KIAA2012: variants seen among roughly 807,000 people sequenced by gnomAD.
The protein encoded by KIAA2012 is uncharacterized protein KIAA2012.
In KIAA2012, 125 loss-of-function variants were observed where a neutral mutation model predicts 150.6. That is an observed-to-expected ratio of 0.83 (90% CI 0.72 to 0.96). The LOEUF (loss-of-function observed/expected upper bound fraction) is 0.96, where lower values mean the gene tolerates loss of function less well. Ranked by LOEUF, KIAA2012 falls within the 40% of genes least tolerant of loss-of-function variation. KIAA2012 has a pLI of 0.00. For missense variants in KIAA2012, 1,219 were observed against 1,354.9 expected (o/e 0.90, Z 1.57); for synonymous variants, 462 against 504.7 (o/e 0.92, Z 1.13).
chr2:202,124,556 G>A (rs1690734678), intron 11 of KIAA2012, among the ~76,000 whole-genome samples: 1 of 152,144 alleles, frequency 6.6e-6, no homozygotes, highest in African/African-American at 2.4e-5. Context: ...CACACACTGA[G>A]ACACAGCTGC....
intron 12 of KIAA2012, among the ~76,000 whole-genome samples, chr2:202,135,291 C>CTGTA (rs1207943047): frequency 3.3e-5 from 5 of 152,238 alleles, no homozygotes; most frequent in African/African-American, 1.2e-4. Flanking sequence ...AGCCTATAGT[C>CTGTA]TGTATAACCT....
At position 202,073,571 on chromosome 2, in the gene KIAA2012, T is replaced by A; in HGVS notation, c.-57T>A. On this transcript the variant is annotated 5_prime_UTR_variant, in exon 1 of 24. Transcript: ENST00000498697. ...CTGGAAATCTTGAGGTGTGACCAGA[T>A]TTCAGCCTTCAAAACCAAGATGGAC... 6.7e-7 allele frequency: 1 copy of A among 1,483,814 alleles called. No individual in the cohort carries two copies. The highest frequency in any genetic ancestry group is 9.2e-7 in the Non-Finnish European group (1 of 1,089,458). 91.9% of individuals were successfully genotyped at this position (1,483,814 alleles called of 1,614,324 possible).
intron 15 of KIAA2012, among the ~76,000 whole-genome samples, chr2:202,183,149 G>T (rs1474266): frequency 0.1 from 15,183 of 152,130 alleles, 993 homozygotes; most frequent in Non-Finnish European, 0.13. Context: ...GCCAGGCATG[G>T]TGCTTCATGC....
At chr2:202,177,936 T>G (rs1188704118) in intron 15 of KIAA2012, among the ~76,000 whole-genome samples, 1 of 152,202 alleles carries the variant, frequency 6.6e-6, no homozygotes, top group African/African-American at 2.4e-5. Flanking sequence ...CAGTGGCTCA[T>G]GCCTGTAATC....
chr2:202,083,281 A>C (rs1398311773), intron 2 of KIAA2012, among the ~76,000 whole-genome samples: 3 of 152,224 alleles, frequency 2.0e-5, no homozygotes, highest in Admixed American at 2.0e-4. Flanking sequence ...GCTGGCTGAG[A>C]GCAGCAGTGT....
chr2:202,173,262 G>C (rs1691929269), intron 15 of KIAA2012, among the ~76,000 whole-genome samples: 1 of 152,102 alleles, frequency 6.6e-6, no homozygotes, highest in African/African-American at 2.4e-5. Context: ...CTAGAGATAA[G>C]GACAACATAA....
At chr2:202,149,078 AGGATTTAGTTCCCCTACCCTAGCAG>A (rs1429023506) in intron 13 of KIAA2012, among the ~76,000 whole-genome samples, 1 of 152,128 alleles carries the variant, frequency 6.6e-6, no homozygotes, top group Non-Finnish European at 1.5e-5. Context: ...GGCCCCTTCC[AGGATTTAGTTCCCCTACCCTAGCAG>A]GGGGCGGGAG....
intron 15 of KIAA2012, among the ~76,000 whole-genome samples, chr2:202,183,473 TA>T (rs1421140236): frequency 4.2e-5 from 5 of 118,896 alleles, no homozygotes; most frequent in African/African-American, 1.2e-4. Flanking sequence ...GGGGGTTTTT[TA>T]AATTTTTTTT....
chr2:202,073,953 G>A (rs891803291), intron 1 of KIAA2012, among the ~76,000 whole-genome samples: 4 of 151,628 alleles, frequency 2.6e-5, no homozygotes, highest in African/African-American at 7.3e-5. Flanking sequence ...TGGACCAAAG[G>A]AGATTCCAGA....
chr2:202,164,450 A>T (rs1289108108), intron 14 of KIAA2012, among the ~76,000 whole-genome samples: 2 of 152,184 alleles, frequency 1.3e-5, no homozygotes, highest in Non-Finnish European at 2.9e-5. Flanking sequence ...TGGTAACCAT[A>T]GTTATGGAGA....
chr2:202,189,016 A>G (rs571833962), intron 18 of KIAA2012, among the ~76,000 whole-genome samples: 1 of 152,326 alleles, frequency 6.6e-6, no homozygotes, highest in Admixed American at 6.5e-5. Flanking sequence ...CCTGAGTGAA[A>G]CCTATTTTTG....
intron 22 of KIAA2012, chr2:202,201,256 G>A: frequency 6.5e-7 from 1 of 1,530,840 alleles, no homozygotes; most frequent in Non-Finnish European, 8.9e-7. Context: ...TGGGGCACCA[G>A]AAAGACATCC....
chr2:202,198,577 CT>C (rs1692454289), intron 22 of KIAA2012, among the ~76,000 whole-genome samples: 1 of 152,186 alleles, frequency 6.6e-6, no homozygotes, highest in African/African-American at 2.4e-5. Context: ...ATCATTGCAT[CT>C]TTCTGATAAT....
chr2:202,110,282 T>A (rs892286750), intron 10 of KIAA2012, among the ~76,000 whole-genome samples: 1 of 152,174 alleles, frequency 6.6e-6, no homozygotes, highest in Non-Finnish European at 1.5e-5. Flanking sequence ...CCCTCTAGGA[T>A]TTAGCCTCAC....
chr2:202,155,217 G>A (rs776791438), intron 14 of KIAA2012, among the ~76,000 whole-genome samples: 2 of 152,154 alleles, frequency 1.3e-5, no homozygotes, highest in African/African-American at 2.4e-5. Context: ...CTATTTAGAC[G>A]TCAACTGCAA....
Position 202,090,887 on chromosome 2 carries a change from C to A in KIAA2012, c.487C>A (p.Arg163=), listed in dbSNP as rs139361319. The part of the protein sequence containing the change: ...SAKRYLRGLL[R]TWPPDAMYRL... ...CAAGAGATACCTCCGAGGCCTCCTG[C>A]GGACTTGGCCCCCAGACGCCATGTA... is the stretch of plus-strand genomic sequence containing the variant. Residue 163 remains arginine, a synonymous_variant, in exon 3 of 24, where the codon CGG becomes AGG. Coordinates refer to ENST00000498697, the MANE Select transcript of KIAA2012 (RefSeq NM_001277372.4). The A allele has an allele frequency of 2.6e-6, 4 of 1,550,276 alleles. No homozygotes were observed. Among genetic ancestry groups the A allele is most frequent in the South Asian group, 1.2e-5 (1 of 84,056 alleles).
chr2:202,139,982 C>A (rs1033109456), intron 13 of KIAA2012, among the ~76,000 whole-genome samples: 11 of 152,152 alleles, frequency 7.2e-5, no homozygotes, highest in Non-Finnish European at 1.2e-4. Context: ...GTAATCCCAG[C>A]ACTTTGGGAG....
chr2:202,196,766 C>T (rs183640634), intron 21 of KIAA2012, 34 bp from the exon 22 acceptor site: 26 of 1,530,466 alleles, frequency 1.7e-5, no homozygotes, highest in Middle Eastern at 3.4e-4. Context: ...TAAAAATGAT[C>T]CCTGCTGAGC....
intron 15 of KIAA2012, among the ~76,000 whole-genome samples, chr2:202,175,467 A>G (rs188619513): frequency 5.8e-4 from 88 of 152,328 alleles, no homozygotes; most frequent in African/African-American, 2.0e-3. Flanking sequence ...ATGTAAAGGT[A>G]TTTGGAGGTT....
Sources: allele counts gnomAD v4.1 joint callset (sites outside exome capture counted in the v4.1 genomes callset), GRCh38; gene constraint gnomAD v4.1.1; transcripts MANE v1.5; gene names NCBI Gene and HGNC (gene_info 2026-07-23, HGNC 2026-07-21).